Variants in KCNT2 observed in about 807,000 individuals in gnomAD.
The protein encoded by KCNT2 is potassium sodium-activated channel subfamily T member 2, also known as potassium channel subfamily T member 2.
Under a neutral mutation model 153.8 loss-of-function variants are expected in KCNT2, and 67 were observed. The observed-to-expected ratio is 0.44, with a 90% CI of 0.36 to 0.53. The LOEUF (loss-of-function observed/expected upper bound fraction) is 0.53, where lower values mean the gene tolerates loss of function less well. KCNT2 is among the 20% of genes least tolerant of loss of function. The pLI is 0.00. For missense variants in KCNT2, 975 were observed against 1,354.8 expected, an observed-to-expected ratio of 0.72 and a Z score of 4.40; for synonymous variants, 500 against 458.8, an observed-to-expected ratio of 1.09 and a Z score of -1.15.
intron 25 of KCNT2, among the ~76,000 whole-genome samples, chr1:196,278,302 T>C (rs1044477346): frequency 6.6e-6 from 1 of 152,192 alleles, no homozygotes; most frequent in Non-Finnish European, 1.5e-5. Flanking sequence ...AAGTGCTTGA[T>C]GTTTCTACTG....
At chr1:196,336,179 C>A (rs1023579824) in intron 16 of KCNT2, among the ~76,000 whole-genome samples, 1 of 152,090 alleles carries the variant, frequency 6.6e-6, no homozygotes, top group Admixed American at 6.6e-5. Context: ...ATAGATGATC[C>A]TTCCAACATT....
chr1:196,439,375 G>T (rs534027619), intron 8 of KCNT2, among the ~76,000 whole-genome samples: 2 of 151,780 alleles, frequency 1.3e-5, no homozygotes, highest in Admixed American at 6.6e-5. Context: ...TACAACCAAT[G>T]TACAACAGAA....
chr1:196,310,594 A>G (rs796538211), intron 21 of KCNT2, among the ~76,000 whole-genome samples: 18 of 151,946 alleles, frequency 1.2e-4, no homozygotes, highest in African/African-American at 4.1e-4. Context: ...GTCATTTTCC[A>G]TGTGCATGTA....
At chr1:196,289,432 C>G (rs890685477) in intron 22 of KCNT2, among the ~76,000 whole-genome samples, 4 of 152,070 alleles carry the variant, frequency 2.6e-5, no homozygotes, top group Non-Finnish European at 5.9e-5. Context: ...CTGTTACTTA[C>G]ACAATGCCTA....
intron 8 of KCNT2, among the ~76,000 whole-genome samples, chr1:196,439,322 C>T (rs999592724): frequency 6.6e-6 from 1 of 151,784 alleles, no homozygotes; most frequent in Non-Finnish European, 1.5e-5. Context: ...AACAAAATGA[C>T]AAATGGCTAA....
intron 8 of KCNT2, among the ~76,000 whole-genome samples, chr1:196,460,131 A>G (rs1315493771): frequency 6.6e-6 from 1 of 151,850 alleles, no homozygotes; most frequent in Non-Finnish European, 1.5e-5. Flanking sequence ...ATATGGAGAC[A>G]AAATTGGCCA....
intron 8 of KCNT2, among the ~76,000 whole-genome samples, chr1:196,439,907 G>C (rs370075603): frequency 1.3e-5 from 2 of 151,820 alleles, no homozygotes; most frequent in Non-Finnish European, 2.9e-5. Flanking sequence ...GGGTCAAGGG[G>C]AGGGAGCGCA....
At chr1:196,466,161 T>G (rs1677597237) in intron 7 of KCNT2, among the ~76,000 whole-genome samples, 1 of 152,136 alleles carries the variant, frequency 6.6e-6, no homozygotes, top group South Asian at 2.1e-4. Flanking sequence ...TGTCAATATT[T>G]GTTTAATGTA....
At chr1:196,427,634 A>G (rs1673768858) in intron 10 of KCNT2, among the ~76,000 whole-genome samples, 1 of 152,072 alleles carries the variant, frequency 6.6e-6, no homozygotes, top group African/African-American at 2.4e-5. Flanking sequence ...GGATATATTT[A>G]TACTTCAGGA....
chr1:196,429,240 C>A (rs1248251669), intron 9 of KCNT2, among the ~76,000 whole-genome samples: 3 of 151,882 alleles, frequency 2.0e-5, no homozygotes, highest in African/African-American at 7.2e-5. Context: ...CAACCCTTCA[C>A]AAATTTATTT....
chr1:196,580,082 A>T (rs934308318), intron 1 of KCNT2, among the ~76,000 whole-genome samples: 1 of 152,180 alleles, frequency 6.6e-6, no homozygotes, highest in South Asian at 2.1e-4. Context: ...TCCTGAAACC[A>T]TTTCTAGGGA....
intron 12 of KCNT2, among the ~76,000 whole-genome samples, chr1:196,414,759 T>C (rs1393050756): frequency 6.6e-6 from 1 of 151,896 alleles, no homozygotes; most frequent in Non-Finnish European, 1.5e-5. Context: ...TTCTCCATGA[T>C]TTTTCCATAT....
intron 1 of KCNT2, among the ~76,000 whole-genome samples, chr1:196,591,682 A>G (rs1663381833): frequency 1.3e-5 from 2 of 152,136 alleles, no homozygotes; most frequent in Admixed American, 1.3e-4. Context: ...CTCCAGCACA[A>G]TATAAGGGTC....
chr1:196,588,200 T>A lies in KCNT2; in HGVS notation c.95+20015A>T, dbSNP rs550834736. Among the ~76,000 whole-genome samples, 4 of 151,860 alleles carry A rather than the reference T, an allele frequency of 2.6e-5. No individual in the cohort carries two copies. The South Asian group carries it at 8.3e-4, about 32-fold the overall frequency. On this transcript the variant is annotated intron_variant, in intron 1 of 27. Coordinates refer to ENST00000294725, the MANE Select transcript of KCNT2 (RefSeq NM_198503.5). ...TGGTATTAGTAGCATTGGCAGTACA[T>A]AAACATTTGACTTGTAATATCTGAC...
intron 22 of KCNT2, among the ~76,000 whole-genome samples, chr1:196,300,787 T>C (rs1460901310): frequency 2.6e-5 from 4 of 152,148 alleles, no homozygotes; most frequent in Non-Finnish European, 5.9e-5. Context: ...AATCTGTCTT[T>C]TGTTACAGGG....
chr1:196,404,936 C>T (rs1169715001), intron 12 of KCNT2, among the ~76,000 whole-genome samples: 1 of 151,534 alleles, frequency 6.6e-6, no homozygotes, highest in Non-Finnish European at 1.5e-5. Context: ...TATTTCAATT[C>T]AATGGATGAA....
chr1:196,295,268 A>C (rs1461208113), intron 22 of KCNT2, among the ~76,000 whole-genome samples: 1 of 151,966 alleles, frequency 6.6e-6, no homozygotes, highest in Non-Finnish European at 1.5e-5. Flanking sequence ...AATTTGGAGA[A>C]GTTAAAACCA....
intron 5 of KCNT2, among the ~76,000 whole-genome samples, chr1:196,475,461 G>C (rs1271212985): frequency 6.6e-6 from 1 of 151,890 alleles, no homozygotes; most frequent in African/African-American, 2.4e-5. Flanking sequence ...CTTAAAAAAA[G>C]ATACAAATAT....
intron 2 of KCNT2, 47 bp downstream of exon 2, chr1:196,492,215 G>T: frequency 7.4e-7 from 1 of 1,352,852 alleles, no homozygotes; most frequent in South Asian, 1.6e-5. Flanking sequence ...GAAATATTTT[G>T]AAGTAAATAT....
Sources: allele counts gnomAD v4.1 joint callset (sites outside exome capture counted in the v4.1 genomes callset), GRCh38; gene constraint gnomAD v4.1.1; transcripts MANE v1.5; gene names NCBI Gene and HGNC (gene_info 2026-07-23, HGNC 2026-07-21).